Variants in CD109 observed in about 807,000 individuals in gnomAD.
CD109 encodes the protein CD109 molecule.
In CD109, 149 loss-of-function variants were observed where a neutral mutation model predicts 165.8. The ratio of observed to expected loss-of-function variants is 0.90; its 90% CI spans 0.79 to 1.03. The LOEUF is 1.03. Among genes scored for constraint, CD109 ranks in the 50% least tolerant of loss-of-function variants. The pLI is 0.00. For missense variants in CD109, 1,712 were observed against 1,677.8 expected (o/e 1.02, Z -0.36); for synonymous variants, 585 against 592.1 (o/e 0.99, Z 0.18).
rs766189794 is a variant in CD109 at position 73,823,473 on chromosome 6, GA to G, written c.4180del (p.Ser1394ValfsTer6). 4.0e-4 allele frequency: 650 copies of G among 1,609,940 alleles called. No individual in the cohort carries two copies. The highest frequency in any genetic ancestry group is 5.3e-4 in the Non-Finnish European group (624 of 1,176,838). On this transcript the variant is annotated frameshift_variant, in exon 33 of 33. Transcript: ENST00000287097. LOFTEE classifies it low-confidence loss of function (END_TRUNC). ...DYYEPRRQAV[R>X]SYNSEVKLSS... ...CTTTGAACAGGGAGACAGGCGGTGA[GA>G]AGTTACAACTCTGAAGTGAAGCTGT...
intron 5 of CD109, among the ~76,000 whole-genome samples, chr6:73,750,547 G>A (rs532210989): frequency 2.0e-5 from 3 of 152,116 alleles, no homozygotes; most frequent in Non-Finnish European, 4.4e-5. Flanking sequence ...CAGTGAAATG[G>A]GAGAGGCAGA....
In CD109 at chr6:73,790,042, G is replaced by A. The variant is rs181733906; in HGVS notation, c.2701+1430G>A. Reference sequence around the variant, plus strand: ...GAGCCATGGCACTCAGCCTTTCTTAGCAATTTGGAAATTTACAATACTCTT... The same window carrying A: ...GAGCCATGGCACTCAGCCTTTCTTAACAATTTGGAAATTTACAATACTCTT... On this transcript the variant is annotated intron_variant, in intron 22 of 32. Coordinates refer to ENST00000287097, the MANE Select transcript of CD109 (RefSeq NM_133493.5). Among the ~76,000 whole-genome samples the A allele has an allele frequency of 3.3e-3, 494 of 150,174 alleles. 2 individuals carry two copies. The highest frequency in any genetic ancestry group is 6.1e-3 in the Non-Finnish European group (410 of 67,680).
At chr6:73,758,334 G>T (rs1773478481) in intron 6 of CD109, among the ~76,000 whole-genome samples, 1 of 152,072 alleles carries the variant, frequency 6.6e-6, no homozygotes, top group Non-Finnish European at 1.5e-5. Flanking sequence ...CTCTGGTGGA[G>T]TGCTTTATAT....
At chr6:73,691,584 T>G (rs1305699748), upstream of CD109, among the ~76,000 whole-genome samples, 1 of 152,200 alleles carries the variant, frequency 6.6e-6, no homozygotes, top group Non-Finnish European at 1.5e-5. Context: ...AGGTTACTCA[T>G]GACATGGAAG....
chr6:73,802,249 A>ATG (rs1425635749), intron 23 of CD109, among the ~76,000 whole-genome samples: 14 of 126,828 alleles, frequency 1.1e-4, no homozygotes, highest in African/African-American at 3.9e-4. Flanking sequence ...ACCACTGAGC[A>ATG]TGTGTATATG....
chr6:73,701,867 G>A (rs1247798608), intron 2 of CD109, among the ~76,000 whole-genome samples: 1 of 152,122 alleles, frequency 6.6e-6, no homozygotes, highest in Non-Finnish European at 1.5e-5. Flanking sequence ...GATTGCTTGA[G>A]CCCAGGAGTT....
intron 5 of CD109, among the ~76,000 whole-genome samples, chr6:73,745,456 A>G (rs1772946821): frequency 6.6e-6 from 1 of 152,124 alleles, no homozygotes; most frequent in South Asian, 2.1e-4. Flanking sequence ...TTAGATGTCA[A>G]CAGGGCTTGC....
At chr6:73,796,621 G>A (rs1035152471) in intron 23 of CD109, among the ~76,000 whole-genome samples, 5 of 152,124 alleles carry the variant, frequency 3.3e-5, no homozygotes, top group Non-Finnish European at 5.9e-5. Context: ...AGCTATGTGG[G>A]CATCTCAATA....
At chr6:73,799,814 C>T (rs914408121) in intron 23 of CD109, among the ~76,000 whole-genome samples, 9 of 151,362 alleles carry the variant, frequency 5.9e-5, no homozygotes, top group Non-Finnish European at 1.0e-4. Context: ...TCTCCTTTTG[C>T]GAAAATAAAT....
At chr6:73,744,904 G>A (rs1199945461) in intron 5 of CD109, among the ~76,000 whole-genome samples, 1 of 152,000 alleles carries the variant, frequency 6.6e-6, no homozygotes, top group Admixed American at 6.6e-5. Context: ...CATAGGATAG[G>A]GACTCAGTGC....
At chr6:73,693,293 C>T (rs1428167388), upstream of CD109, among the ~76,000 whole-genome samples, 1 of 152,130 alleles carries the variant, frequency 6.6e-6, no homozygotes, top group Non-Finnish European at 1.5e-5. Context: ...GCAGAGATCC[C>T]ATGGTGAGAG....
At chr6:73,779,404 A>G (rs1039879426) in intron 15 of CD109, among the ~76,000 whole-genome samples, 9 of 151,936 alleles carry the variant, frequency 5.9e-5, no homozygotes, top group Admixed American at 2.0e-4. Context: ...GCCCACCACT[A>G]CGCCCAGCTA....
intron 15 of CD109, among the ~76,000 whole-genome samples, chr6:73,773,216 A>G (rs1389008262): frequency 6.6e-6 from 1 of 150,426 alleles, no homozygotes; most frequent in East Asian, 1.9e-4. Context: ...AAGTATATTT[A>G]TATATACATA....
intron 22 of CD109, 54 bp downstream of exon 22, chr6:73,788,666 G>A: frequency 1.4e-6 from 2 of 1,464,774 alleles, no homozygotes; most frequent in Non-Finnish European, 1.9e-6. Context: ...GATCATATAT[G>A]TTGTTCTTGT....
chr6:73,766,837 A>C lies in CD109; in HGVS notation c.1411A>C (p.Lys471Gln), dbSNP rs1465500423. 3 of 1,612,342 alleles carry C rather than the reference A, an allele frequency of 1.9e-6. No homozygotes were observed. Among genetic ancestry groups the C allele is most frequent in the Non-Finnish European group, 1.7e-6 (2 of 1,178,768 alleles). ...TCCTAGTAAGACATACATCCAACTA[A>C]AAACAAGAGATGAAAATATAAAGGT... ...KSPSKTYIQL[K>Q]TRDENIKVGS... is the part of the protein sequence containing the mutation. The change falls in exon 12 of 33, where the codon AAA (lysine) becomes CAA (glutamine). Residue 471 changes from lysine to glutamine, a missense_variant. By Grantham distance (53) the Lys-to-Gln change is moderately conservative. Coordinates refer to ENST00000287097, the MANE Select transcript of CD109 (RefSeq NM_133493.5).
intron 5 of CD109, among the ~76,000 whole-genome samples, chr6:73,740,178 C>T (rs1033330711): frequency 1.3e-5 from 2 of 152,182 alleles, no homozygotes; most frequent in African/African-American, 4.8e-5. Flanking sequence ...CATACACAGC[C>T]TTTGGGAGAG....
At chr6:73,746,688 G>A (rs1465197431) in intron 5 of CD109, among the ~76,000 whole-genome samples, 1 of 151,860 alleles carries the variant, frequency 6.6e-6, no homozygotes, top group African/African-American at 2.4e-5. Context: ...GTATGAATGT[G>A]CTTGTGATCC....
At chr6:73,815,336 C>T (rs924306444) in intron 30 of CD109, among the ~76,000 whole-genome samples, 12 of 152,012 alleles carry the variant, frequency 7.9e-5, no homozygotes, top group Non-Finnish European at 1.2e-4. Flanking sequence ...TTTCCCTGGA[C>T]GTATAACACA....
intron 6 of CD109, 34 bp from the exon 7 acceptor site, chr6:73,758,910 G>T: frequency 8.2e-7 from 1 of 1,223,916 alleles, no homozygotes; most frequent in South Asian, 1.2e-5. Flanking sequence ...GTCTCAAAAA[G>T]AAAAAAAGAT....
Sources: allele counts gnomAD v4.1 joint callset (sites outside exome capture counted in the v4.1 genomes callset), GRCh38; gene constraint gnomAD v4.1.1; transcripts MANE v1.5; gene names NCBI Gene and HGNC (gene_info 2026-07-23, HGNC 2026-07-21).